Variants in GLP2R observed in about 807,000 individuals in gnomAD.
The protein encoded by GLP2R is glucagon-like peptide 2 receptor.
GLP2R carries 59 observed loss-of-function variants against 68.2 expected under a neutral mutation model. That is an observed-to-expected ratio of 0.87 (90% CI 0.70 to 1.07). The LOEUF is 1.07. Ranked by LOEUF, GLP2R falls within the 50% of genes least tolerant of loss-of-function variation. The pLI, the probability that GLP2R is intolerant of heterozygous loss-of-function variation, is 0.00. For synonymous variants in GLP2R, 270 were observed against 265.4 expected (o/e 1.02, Z -0.17); for missense variants, 548 against 677.4 (o/e 0.81, Z 2.12).
intron 3 of GLP2R, among the ~76,000 whole-genome samples, chr17:9,838,989 C>T (rs1471657617): frequency 6.6e-6 from 1 of 152,184 alleles, no homozygotes; most frequent in Non-Finnish European, 1.5e-5. Context: ...CGCCTGATGG[C>T]AAACAGAAGC....
At chr17:9,862,793 C>A (rs368320255) in intron 9 of GLP2R, among the ~76,000 whole-genome samples, 2 of 152,164 alleles carry the variant, frequency 1.3e-5, no homozygotes, top group African/African-American at 4.8e-5. Flanking sequence ...ATAATCTTCG[C>A]GTGCCCACCA....
At chr17:9,866,983 A>T (rs2067044359) in intron 9 of GLP2R, 1 of 152,240 alleles carries the variant, frequency 6.6e-6, no homozygotes, top group Non-Finnish European at 1.5e-5. Context: ...ATAAATCTTT[A>T]TTGTGTTAAG....
Position 9,873,107 on chromosome 17 carries a change from A to C in GLP2R, c.1145+2272A>C, listed in dbSNP as rs995762591. ...GCTTAGCCTCTCTCACCACTCTTTC[A>C]GGGTGGAGCTTCAAAGCCTGCTCTA... On this transcript the variant is annotated intron_variant, in intron 10 of 12. Transcript: ENST00000262441. 2.6e-5 allele frequency among the ~76,000 whole-genome samples: 4 copies of C among 152,262 alleles called. No individual in the cohort carries two copies. The South Asian group carries it at 8.3e-4, about 32-fold the overall frequency.
At chr17:9,872,129 G>A (rs2067100468) in intron 10 of GLP2R, among the ~76,000 whole-genome samples, 1 of 152,266 alleles carries the variant, frequency 6.6e-6, no homozygotes, top group African/African-American at 2.4e-5. Flanking sequence ...CACACAGGAA[G>A]GCAGAAGAGG....
At chr17:9,882,146 C>T (rs796243445) in intron 11 of GLP2R, among the ~76,000 whole-genome samples, 7 of 151,968 alleles carry the variant, frequency 4.6e-5, no homozygotes, top group African/African-American at 1.7e-4. Context: ...TGCTTTTGTT[C>T]TCTAATCCCT....
At chr17:9,870,634 C>A in intron 9 of GLP2R, 113 bp from the exon 10 acceptor site, 1 of 700,418 alleles carries the variant, frequency 1.4e-6, no homozygotes, top group Non-Finnish European at 2.6e-6. Context: ...TGCTGAATTG[C>A]CCCTGGTTTA....
intron 4 of GLP2R, 81 bp downstream of exon 4, chr17:9,842,697 C>T (rs2066799324): frequency 2.8e-5 from 41 of 1,471,208 alleles, no homozygotes; most frequent in South Asian, 8.2e-5. Flanking sequence ...CTGCTGGCTC[C>T]AGGGGCCACA....
chr17:9,870,710 C>T (rs762171981), intron 9 of GLP2R, 37 bp from the exon 10 acceptor site: 9 of 937,262 alleles, frequency 9.6e-6, no homozygotes, highest in South Asian at 3.9e-5. Flanking sequence ...ATGTGGAATT[C>T]GTCACTTACT....
At chr17:9,832,979 C>T (rs1370974580) in intron 1 of GLP2R, among the ~76,000 whole-genome samples, 2 of 152,032 alleles carry the variant, frequency 1.3e-5, no homozygotes, top group Non-Finnish European at 2.9e-5. Flanking sequence ...AGAATAGATC[C>T]GGGCCAGGCG....
chr17:9,837,282 GC>G (rs2152031783), intron 3 of GLP2R, among the ~76,000 whole-genome samples: 1 of 152,202 alleles, frequency 6.6e-6, no homozygotes, highest in South Asian at 2.1e-4. Flanking sequence ...ACCCTTCCCA[GC>G]CTCTGGCAAC....
At chr17:9,859,685 G>T (rs1342595400) in intron 6 of GLP2R, among the ~76,000 whole-genome samples, 2 of 150,320 alleles carry the variant, frequency 1.3e-5, no homozygotes, top group Non-Finnish European at 3.0e-5. Context: ...TAGGTGTGGT[G>T]GCACTTGCCT....
intron 9 of GLP2R, among the ~76,000 whole-genome samples, chr17:9,869,973 G>C (rs2067077686): frequency 6.6e-6 from 1 of 152,180 alleles, no homozygotes; most frequent in African/African-American, 2.4e-5. Flanking sequence ...TGGAGGGCTG[G>C]ATTTTCCCAG....
intron 1 of GLP2R, among the ~76,000 whole-genome samples, chr17:9,829,369 A>C (rs936143113): frequency 6.6e-6 from 1 of 151,802 alleles, no homozygotes; most frequent in African/African-American, 2.4e-5. Flanking sequence ...GCAGTCAAAA[A>C]CCTTTAAAAC....
Position 9,888,085 on chromosome 17 carries a change from C to A in GLP2R, c.1326+112C>A. ...ATGCTACGGGAGAATGTGCAGTGAC[C>A]AGCATGTGTGGGGACAAATTTGTAT... On this transcript the variant is annotated intron_variant, in intron 12 of 12. Transcript: ENST00000262441. 4.9e-6 allele frequency: 4 copies of A among 822,314 alleles called. No homozygotes were observed. In the Admixed American group the frequency reaches 6.8e-5, roughly 14 times the overall value. The allele number at this position is 822,314 out of a possible 1,614,324, so 50.9% of individuals were successfully genotyped here.
intron 11 of GLP2R, among the ~76,000 whole-genome samples, chr17:9,885,186 T>TATTACC (rs1555574759): frequency 6.8e-6 from 1 of 147,418 alleles, no homozygotes; most frequent in Non-Finnish European, 1.5e-5. Context: ...TTATTATTAT[T>TATTACC]ACCATTATCA....
intron 1 of GLP2R, among the ~76,000 whole-genome samples, chr17:9,830,998 C>A (rs928963988): frequency 6.6e-6 from 1 of 152,182 alleles, no homozygotes; most frequent in Non-Finnish European, 1.5e-5. Context: ...TTAGATATAT[C>A]TTTTGGCCTA....
rs1320645895 is a variant in GLP2R, at chr17:9,890,553, T to C, written c.*848T>C. 6.5e-6 allele frequency: 1 copy of C among 153,354 alleles called. No individual in the cohort carries two copies. Among genetic ancestry groups the C allele is most frequent in the Non-Finnish European group, 1.5e-5 (1 of 68,940 alleles). The allele number at this position is 153,354 out of a possible 1,614,324, so 9.5% of individuals were successfully genotyped here. A position where few individuals can be genotyped will look rare whatever the true frequency, so the allele number is the denominator to read the frequency against. On this transcript the variant is annotated 3_prime_UTR_variant, in exon 13 of 13. Transcript: ENST00000262441. Reference sequence around the variant, plus strand: ...GGTCTGTTCCTCTCCTTTCTGGCTCTATCTACCTTTCTGAGTTTGGCTTCT... The same window carrying C: ...GGTCTGTTCCTCTCCTTTCTGGCTCCATCTACCTTTCTGAGTTTGGCTTCT...
intron 7 of GLP2R, 37 bp from the exon 8 acceptor site, chr17:9,861,102 C>T (rs200994739): frequency 6.3e-7 from 1 of 1,576,114 alleles, no homozygotes; most frequent in South Asian, 1.1e-5. Context: ...TTTGGCCAAC[C>T]AACTCCTAAC....
At chr17:9,866,554 C>T (rs1465888788) in intron 9 of GLP2R, 1 of 152,494 alleles carries the variant, frequency 6.6e-6, no homozygotes, top group Non-Finnish European at 1.5e-5. Context: ...AAAAAATACC[C>T]AGCCCAGACT....
Sources: gnomAD v4.1 joint callset for allele counts (sites outside exome capture counted in the v4.1 genomes callset) on GRCh38, gnomAD v4.1.1 for gene constraint, MANE v1.5 for transcripts, NCBI Gene and HGNC (gene_info 2026-07-23, HGNC 2026-07-21) for gene names.